YKT6: variants seen among roughly 807,000 people sequenced by gnomAD.
YKT6 encodes the protein YKT6 vesicular SNARE protein, also known as synaptobrevin homolog YKT6.
In YKT6, 12 loss-of-function variants were observed where a neutral mutation model predicts 29.3. That is an observed-to-expected ratio of 0.41 (90% CI 0.26 to 0.66). YKT6 has a LOEUF of 0.66. YKT6 is among the 30% of genes least tolerant of loss of function. The pLI, the probability that YKT6 is intolerant of heterozygous loss-of-function variation, is 0.32. For synonymous variants in YKT6, 86 were observed against 94.3 expected (o/e 0.91, Z 0.51); for missense variants, 188 against 243.8 (o/e 0.77, Z 1.52).
chr7:44,211,116 T>C lies in YKT6; in HGVS notation c.553T>C (p.Tyr185His). ...GCTGGGAACACAGTCTAAAGCCTTCTATAAAACTGTGAGTACCCAGCACCT... is the reference window on the plus strand; with the variant it reads ...GCTGGGAACACAGTCTAAAGCCTTCCATAAAACTGTGAGTACCCAGCACCT... ...EVLGTQSKAF[Y>H]KTARKQNSCC... Residue 185 changes from tyrosine to histidine, a missense_variant, in exon 6 of 7, where the codon TAT becomes CAT. Physicochemically the swap from Tyr to His is moderately conservative, Grantham distance 83. Coordinates refer to ENST00000223369, the MANE Select transcript of YKT6 (RefSeq NM_006555.4). 1 of 1,613,864 alleles carries C rather than the reference T, an allele frequency of 6.2e-7. No homozygotes were observed. The highest frequency in any genetic ancestry group is 8.5e-7 in the Non-Finnish European group (1 of 1,179,988).
chr7:44,204,878 C>G, intron 2 of YKT6, among the ~76,000 whole-genome samples: 1 of 152,236 alleles, frequency 6.6e-6, no homozygotes, highest in East Asian at 1.9e-4. Context: ...AGATTAGGGT[C>G]TGACTCTTTT....
chr7:44,210,722 GTA>G (rs71563939), intron 5 of YKT6: 319 of 435,680 alleles, frequency 7.3e-4, no homozygotes, highest in Middle Eastern at 1.7e-3. Flanking sequence ...AAATGTGTGT[GTA>G]TATATATATA....
chr7:44,210,779 A>G, intron 5 of YKT6: 1 of 574,948 alleles, frequency 1.7e-6, no homozygotes, highest in African/African-American at 1.8e-5. Context: ...TGCTGGGGAC[A>G]GCTTTTTGGG....
Position 44,207,444 on chromosome 7 carries a change from T to A in YKT6, c.345T>A (p.Pro115=). Reference sequence around the variant, plus strand: ...GGATAGACTGGCCAGTAGGATCCCCTGCTACAATCCATTACCCAGCCCTGG... The same window carrying A: ...GGATAGACTGGCCAGTAGGATCCCCAGCTACAATCCATTACCCAGCCCTGG... The part of the protein sequence containing the change: ...VDRIDWPVGS[P]ATIHYPALDG... The change falls in exon 4 of 7, where the codon CCT becomes CCA. Residue 115 remains proline (P), a synonymous_variant. Coordinates refer to ENST00000223369, the MANE Select transcript of YKT6 (RefSeq NM_006555.4). 16 of 1,614,146 alleles carry A rather than the reference T, an allele frequency of 9.9e-6. No individual in the cohort carries two copies. Among genetic ancestry groups the A allele is most frequent in the Non-Finnish European group, 1.0e-5 (12 of 1,179,990 alleles).
Position 44,213,712 on chromosome 7 carries a change from G to A in YKT6, c.*1430G>A, listed in dbSNP as rs2096349275. On this transcript the variant is annotated 3_prime_UTR_variant, in exon 7 of 7. Coordinates refer to ENST00000223369, the MANE Select transcript of YKT6 (RefSeq NM_006555.4). ...GAGAGCACCCACTGTCCTGACCAGAGTCTCAGTGGTCCTGACCCCCAATGT... is the reference window on the plus strand; with the variant it reads ...GAGAGCACCCACTGTCCTGACCAGAATCTCAGTGGTCCTGACCCCCAATGT... 1 of 152,358 alleles carries A rather than the reference G, an allele frequency of 6.6e-6. No individual in the cohort carries two copies. Among genetic ancestry groups the A allele is most frequent in the Admixed American group, 6.5e-5 (1 of 15,280 alleles). 9.4% of individuals were successfully genotyped at this position (152,358 alleles called of 1,614,324 possible).
At position 44,201,203 on chromosome 7, in the gene YKT6, A is replaced by G. The variant is rs745479059; in HGVS notation, c.68A>G (p.Tyr23Cys). 3.1e-5 allele frequency: 50 copies of G among 1,613,058 alleles called. No homozygotes were observed. The highest frequency in any genetic ancestry group is 2.8e-5 in the Non-Finnish European group (33 of 1,179,514). Residue 23 changes from tyrosine to cysteine, a missense_variant, in exon 1 of 7, where the codon TAC becomes TGC. Around this residue, in one of 3 missense-constraint regions of YKT6, gnomAD observed 71 missense variants for 67.3 expected, o/e 1.05. Transcript: ENST00000223369. ...AAGGTGGTGCTGCTCAAAGCCGCAT[A>G]CGATGTGTCTTCCTTCAGCTTTTTC... ...EAKVVLLKAA[Y>C]DVSSFSFFQR...
At position 44,208,307 on chromosome 7, in the gene YKT6, A is replaced by T. The variant is rs951586005; in HGVS notation, c.459+109A>T. On this transcript the variant is annotated intron_variant, in intron 5 of 6. Transcript: ENST00000223369. ...GTTTTAATATAATAGTAACCACGGC[A>T]CTCTCCAGCAAGTGGGATTGCCCAC... The T allele has an allele frequency of 2.4e-5, 30 of 1,227,456 alleles. No homozygotes were observed. In the African/African-American group the frequency reaches 4.5e-4, roughly 19 times the overall value. 76.0% of individuals were successfully genotyped at this position (1,227,456 alleles called of 1,614,324 possible). A position where few individuals can be genotyped will look rare whatever the true frequency, so the allele number is the denominator to read the frequency against.
At chr7:44,207,659 C>T (rs3824065) in intron 4 of YKT6, among the ~76,000 whole-genome samples, 167 bp downstream of exon 4, 55,507 of 151,952 alleles carry the variant, frequency 0.37, 10,815 homozygotes, top group South Asian at 0.45. Context: ...TACGTTCAGA[C>T]CGGGGAACCC....
At chr7:44,208,324 A>G in intron 5 of YKT6, 126 bp downstream of exon 5, 2 of 1,019,590 alleles carry the variant, frequency 2.0e-6, no homozygotes, top group Non-Finnish European at 3.0e-6. Flanking sequence ...AGCAAGTGGG[A>G]TTGCCCACCC....
intron 6 of YKT6, 112 bp downstream of exon 6, chr7:44,211,236 T>TCCACCATGATTCAATA: frequency 1.0e-6 from 1 of 958,754 alleles, no homozygotes; most frequent in Non-Finnish European, 1.6e-6. Context: ...TGTTGAATCA[T>TCCACCATGATTCAATA]GGTGGATGAT....
chr7:44,207,205 T>C (rs2128839593), intron 3 of YKT6, 183 bp from the exon 4 acceptor site: 1 of 502,408 alleles, frequency 2.0e-6, no homozygotes, highest in East Asian at 3.2e-5. Flanking sequence ...ATGATAAAAA[T>C]TTGGAAAGAA....
chr7:44,209,094 C>G (rs1349803636), intron 5 of YKT6, among the ~76,000 whole-genome samples: 1 of 152,238 alleles, frequency 6.6e-6, no homozygotes, highest in East Asian at 1.9e-4. Flanking sequence ...AGCACTGGGA[C>G]ATCTTTCCAT....
At position 44,204,595 on chromosome 7, in the gene YKT6, T is replaced by A; in HGVS notation, c.132T>A (p.Ser44Arg). ...TTCAGGAATTCATGACCTTCACGAG[T>A]CAACTGATTGTGGAGCGCTCATCGA... ...SSVQEFMTFTSQLIVERSSKG... is the reference protein window; with the variant it reads ...SSVQEFMTFTRQLIVERSSKG... Residue 44 changes from serine (S) to arginine (R), a missense_variant, in exon 2 of 7, where the codon AGT (serine) becomes AGA (arginine). Transcript: ENST00000223369. 1.9e-6 allele frequency: 3 copies of A among 1,614,178 alleles called. No homozygotes were observed. Among genetic ancestry groups the A allele is most frequent in the Non-Finnish European group, 2.5e-6 (3 of 1,180,026 alleles).
At chr7:44,201,332 TGAGGGGAGGGTG>T in intron 1 of YKT6, 93 bp downstream of exon 1, 1 of 520,142 alleles carries the variant, frequency 1.9e-6, no homozygotes, top group Non-Finnish European at 2.7e-6. Flanking sequence ...GGCGGAGGGA[TGAGGGGAGGGTG>T]GAGGAGGCCA....
intron 1 of YKT6, among the ~76,000 whole-genome samples, chr7:44,203,073 A>G (rs573478877): frequency 5.5e-4 from 84 of 152,282 alleles, no homozygotes; most frequent in African/African-American, 1.9e-3. Context: ...TTAAAACAAC[A>G]CATGTCCCAG....
At chr7:44,204,710 A>G (rs1438886166) in intron 2 of YKT6, 60 bp downstream of exon 2, 11 of 1,545,642 alleles carry the variant, frequency 7.1e-6, no homozygotes, top group Non-Finnish European at 9.8e-6. Context: ...CTCACCTCAC[A>G]TAGCACCCAG....
Position 44,206,403 on chromosome 7 carries a change from A to G in YKT6, c.206A>G (p.Tyr69Cys), listed in dbSNP as rs372618652. 4.3e-6 allele frequency: 7 copies of G among 1,614,098 alleles called. No individual in the cohort carries two copies. Among genetic ancestry groups the G allele is most frequent in the Non-Finnish European group, 5.9e-6 (7 of 1,180,018 alleles). Reference sequence around the variant, plus strand: ...TCCTTAGACTATCTGTGCCACGTCTACGTCCGGAATGATAGTCTTGCAGGT... The same window carrying G: ...TCCTTAGACTATCTGTGCCACGTCTGCGTCCGGAATGATAGTCTTGCAGGT... ...VKEQDYLCHV[Y>C]VRNDSLAGVV... is the part of the protein sequence containing the mutation. The change falls in exon 3 of 7, where the codon TAC becomes TGC. Residue 69 changes from tyrosine (Y) to cysteine (C), a missense_variant. Tyr to Cys is a radical substitution (Grantham distance 194, BLOSUM62 -2). Coordinates refer to ENST00000223369, the MANE Select transcript of YKT6 (RefSeq NM_006555.4).
chr7:44,211,251 T>G, intron 6 of YKT6, 127 bp downstream of exon 6: 1 of 919,366 alleles, frequency 1.1e-6, no homozygotes, highest in Non-Finnish European at 1.6e-6. Flanking sequence ...GATGATTCCT[T>G]GTGCGGCAAG....
At chr7:44,209,379 A>G (rs1383568921) in intron 5 of YKT6, among the ~76,000 whole-genome samples, 2 of 152,212 alleles carry the variant, frequency 1.3e-5, no homozygotes, top group Admixed American at 6.5e-5. Flanking sequence ...GTCTCATGGT[A>G]TCTGTGTCTT....
Sources: gnomAD v4.1 joint callset for allele counts (sites outside exome capture counted in the v4.1 genomes callset) on GRCh38, gnomAD v4.1.1 for gene constraint, gnomAD v4.1.1 regional missense constraint, MANE v1.5 for transcripts, NCBI Gene and HGNC (gene_info 2026-07-23, HGNC 2026-07-21) for gene names.